COMMD10: variants seen among roughly 807,000 people sequenced by gnomAD.
COMMD10 encodes COMM domain containing 10, also known as COMM domain-containing protein 10.
Under a neutral mutation model 28.9 loss-of-function variants are expected in COMMD10, and 33 were observed. The observed-to-expected ratio is 1.14, with a 90% confidence interval of 0.87 to 1.53. The LOEUF is 1.53. Among genes scored for constraint, COMMD10 ranks in the 40% most tolerant of loss-of-function variants. COMMD10 has a pLI of 0.00. For synonymous variants in COMMD10, 110 were observed against 81.7 expected, an observed-to-expected ratio of 1.35 and a Z score of -1.87; for missense variants, 310 against 233.4, an observed-to-expected ratio of 1.33 and a Z score of -2.14.
chr5:116,282,229 A>C (rs1751088900), intron 5 of COMMD10, among the ~76,000 whole-genome samples: 1 of 151,706 alleles, frequency 6.6e-6, no homozygotes, highest in Non-Finnish European at 1.5e-5. Context: ...ATCCCAATTC[A>C]AGTCTGTCAT....
chr5:116,210,141 A>C (rs1159763558), intron 5 of COMMD10, among the ~76,000 whole-genome samples: 1 of 152,174 alleles, frequency 6.6e-6, no homozygotes, highest in Non-Finnish European at 1.5e-5. Context: ...CTGCAATAAC[A>C]GTCTTAATCC....
intron 5 of COMMD10, among the ~76,000 whole-genome samples, chr5:116,268,046 C>G (rs970448663): frequency 1.3e-4 from 19 of 151,742 alleles, no homozygotes; most frequent in African/African-American, 4.1e-4. Flanking sequence ...TGGGCAAGGA[C>G]TTCATGTCTA....
At chr5:116,239,032 T>C (rs1749748161) in intron 5 of COMMD10, among the ~76,000 whole-genome samples, 1 of 152,226 alleles carries the variant, frequency 6.6e-6, no homozygotes, top group Non-Finnish European at 1.5e-5. Context: ...TTTTAAAGTG[T>C]ATGTCTTCTA....
chr5:116,204,818 A>C (rs757639347), intron 5 of COMMD10, among the ~76,000 whole-genome samples: 31 of 152,174 alleles, frequency 2.0e-4, no homozygotes, highest in Non-Finnish European at 4.0e-4. Flanking sequence ...ATACGGTATT[A>C]AAGAAGACAT....
At chr5:116,269,220 C>G (rs1352663316) in intron 5 of COMMD10, among the ~76,000 whole-genome samples, 2 of 151,642 alleles carry the variant, frequency 1.3e-5, no homozygotes, top group Non-Finnish European at 2.9e-5. Context: ...AGAAAGTACT[C>G]TTTATTATAC....
chr5:116,202,900 A>G (rs1308982633), intron 5 of COMMD10, among the ~76,000 whole-genome samples: 5 of 152,168 alleles, frequency 3.3e-5, no homozygotes, highest in East Asian at 1.9e-4. Flanking sequence ...ATTAAATCCC[A>G]TTTGTCAATT....
intron 2 of COMMD10, 79 bp downstream of exon 2, chr5:116,087,666 G>A (rs1433315810): frequency 6.3e-6 from 6 of 953,494 alleles, no homozygotes; most frequent in African/African-American, 1.6e-5. Context: ...AGAACTTTTT[G>A]CAAAGCATAG....
intron 4 of COMMD10, among the ~76,000 whole-genome samples, chr5:116,118,240 T>C (rs542080646): frequency 6.6e-6 from 1 of 152,336 alleles, no homozygotes; most frequent in Non-Finnish European, 1.5e-5. Context: ...TTTATTATCT[T>C]ATTTTTCTCC....
intron 5 of COMMD10, among the ~76,000 whole-genome samples, chr5:116,189,990 C>T (rs1748298555): frequency 1.3e-5 from 2 of 152,180 alleles, no homozygotes; most frequent in African/African-American, 2.4e-5. Context: ...AGTAGGGCTA[C>T]CTCCACCAAT....
intron 5 of COMMD10, among the ~76,000 whole-genome samples, chr5:116,155,846 A>G (rs992661212): frequency 2.0e-5 from 3 of 152,266 alleles, no homozygotes; most frequent in South Asian, 4.1e-4. Context: ...TTAATTATCT[A>G]TTAATTTTCC....
intron 5 of COMMD10, among the ~76,000 whole-genome samples, chr5:116,261,902 A>G (rs953392431): frequency 1.8e-4 from 27 of 151,740 alleles, no homozygotes; most frequent in Admixed American, 1.7e-3. Context: ...TTAGTTTTAT[A>G]ATAATAATTA....
At chr5:116,277,078 C>A (rs1347027002) in intron 5 of COMMD10, among the ~76,000 whole-genome samples, 1 of 151,668 alleles carries the variant, frequency 6.6e-6, no homozygotes, top group Admixed American at 6.6e-5. Flanking sequence ...AAGTTAAATT[C>A]TCCAGTGTTG....
At chr5:116,286,197 G>C (rs988911764) in intron 5 of COMMD10, among the ~76,000 whole-genome samples, 2 of 151,496 alleles carry the variant, frequency 1.3e-5, no homozygotes, top group African/African-American at 4.9e-5. Flanking sequence ...TATGGCATCT[G>C]TTATAATGTC....
chr5:116,182,685 A>G (rs1026110646), intron 5 of COMMD10, among the ~76,000 whole-genome samples: 2 of 152,178 alleles, frequency 1.3e-5, no homozygotes, highest in Admixed American at 6.5e-5. Flanking sequence ...TAGAAAGCCA[A>G]GTAAAAAGGG....
intron 5 of COMMD10, among the ~76,000 whole-genome samples, chr5:116,226,898 T>A (rs1749406827): frequency 6.6e-6 from 1 of 151,954 alleles, no homozygotes; most frequent in African/African-American, 2.4e-5. Context: ...GATTGCTGAG[T>A]TTCAGTTTCA....
intron 5 of COMMD10, among the ~76,000 whole-genome samples, chr5:116,138,933 TTC>T (rs1752113743): frequency 6.6e-6 from 1 of 151,688 alleles, no homozygotes; most frequent in South Asian, 2.1e-4. Context: ...CAGGCATGAT[TTC>T]TTATTATTCT....
chr5:116,240,509 A>AG (rs1254123635), intron 5 of COMMD10, among the ~76,000 whole-genome samples: 1 of 152,174 alleles, frequency 6.6e-6, no homozygotes, highest in African/African-American at 2.4e-5. Context: ...TCAAATATTT[A>AG]GGGGGTCATC....
chr5:116,176,718 T>G (rs1753525230), intron 5 of COMMD10, among the ~76,000 whole-genome samples: 1 of 152,182 alleles, frequency 6.6e-6, no homozygotes, highest in South Asian at 2.1e-4. Context: ...TTAAAAAATT[T>G]CCTAGTTATT....
At chr5:116,233,739 A>G (rs1418287499) in intron 5 of COMMD10, among the ~76,000 whole-genome samples, 2 of 152,282 alleles carry the variant, frequency 1.3e-5, no homozygotes, top group East Asian at 3.9e-4. Flanking sequence ...TGAGCTTGGT[A>G]TCTTCATGAA....
Sources: allele counts gnomAD v4.1 joint callset (sites outside exome capture counted in the v4.1 genomes callset), GRCh38; gene constraint gnomAD v4.1.1; transcripts MANE v1.5; gene names NCBI Gene and HGNC (gene_info 2026-07-23, HGNC 2026-07-21).